MTNAP1: variants seen among roughly 807,000 people sequenced by gnomAD.
MTNAP1 encodes mitochondrial nucleoid-associated protein 1.
At chr17:73,245,262 T>C in the MTNAP1 span, 1 of 1,568,342 alleles carries the variant, frequency 6.4e-7, no homozygotes, top group Non-Finnish European at 8.6e-7. Context: ...CAATACATAC[T>C]TAACAGTTTA....
the MTNAP1 span, among the ~76,000 whole-genome samples, chr17:73,240,835 C>G: frequency 2.2e-4 from 33 of 151,188 alleles, no homozygotes; most frequent in African/African-American, 7.6e-4. Context: ...GAAGTTGTCT[C>G]TTTACACCGT....
chr17:73,235,936 C>T, the MTNAP1 span: 16 of 1,614,202 alleles, frequency 9.9e-6, no homozygotes, highest in South Asian at 1.8e-4. Flanking sequence ...TAAAAGAGAA[C>T]TTGCCAAAGA....
the MTNAP1 span, among the ~76,000 whole-genome samples, chr17:73,234,344 C>T: frequency 4.7e-5 from 7 of 150,180 alleles, no homozygotes; most frequent in South Asian, 2.1e-4. Context: ...TTTTTTACAT[C>T]GTATATGTTT....
the MTNAP1 span, chr17:73,245,077 CA>C: frequency 1.0e-5 from 13 of 1,250,528 alleles, no homozygotes; most frequent in African/African-American, 1.5e-5. Flanking sequence ...ACTTATAAAA[CA>C]AAAAGAGAAT....
chr17:73,242,492 CTG>C, the MTNAP1 span: 2 of 562,166 alleles, frequency 3.6e-6, no homozygotes, highest in East Asian at 3.1e-5. Flanking sequence ...TTCCATTTGT[CTG>C]TGTTCATTTT....
chr17:73,239,614 G>A, the MTNAP1 span, among the ~76,000 whole-genome samples: 29 of 150,970 alleles, frequency 1.9e-4, no homozygotes, highest in Admixed American at 1.9e-3. Context: ...CACCTCCCAG[G>A]TTCAAGCGAT....
At chr17:73,235,369 C>T in the MTNAP1 span, 2 of 977,516 alleles carry the variant, frequency 2.0e-6, no homozygotes, top group African/African-American at 3.3e-5. Flanking sequence ...CCGTAAGTAG[C>T]AAACATCTAG....
the MTNAP1 span, chr17:73,235,348 A>G: frequency 1.3e-6 from 1 of 746,162 alleles, no homozygotes; most frequent in Admixed American, 3.1e-5. Context: ...TGACTAGTTG[A>G]CTTGCTGTAA....
the MTNAP1 span, among the ~76,000 whole-genome samples, chr17:73,241,520 G>A: frequency 6.6e-6 from 1 of 152,288 alleles, no homozygotes; most frequent in South Asian, 2.1e-4. Flanking sequence ...AATAGGAAAT[G>A]TTTGCTGGCC....
the MTNAP1 span, chr17:73,235,958 C>T: frequency 6.2e-7 from 1 of 1,614,192 alleles, no homozygotes; most frequent in Non-Finnish European, 8.5e-7. Flanking sequence ...TTGCCTAAAT[C>T]AGGAGAAAGT....
At chr17:73,248,230 C>T in the MTNAP1 span, 9 of 446,882 alleles carry the variant, frequency 2.0e-5, no homozygotes, top group African/African-American at 1.4e-4. Flanking sequence ...AAGCTTCATC[C>T]AGAAAGACAA....
At chr17:73,242,416 C>T in the MTNAP1 span, 13 of 1,144,800 alleles carry the variant, frequency 1.1e-5, no homozygotes, top group South Asian at 4.5e-5. Flanking sequence ...AGTTTCTCTT[C>T]GGGCTGTTAA....
the MTNAP1 span, chr17:73,243,093 T>TTTTGTTTTTTTTTTG: frequency 9.3e-3 from 9,235 of 990,598 alleles, 235 homozygotes; most frequent in African/African-American, 0.084. Flanking sequence ...TTTTTTTTTT[T>TTTTGTTTTTTTTTTG]TTTTTTTTAC....
the MTNAP1 span, among the ~76,000 whole-genome samples, chr17:73,239,675 C>T: frequency 2.0e-5 from 3 of 151,478 alleles, no homozygotes; most frequent in South Asian, 2.1e-4. Flanking sequence ...CCTGCCACCA[C>T]GCCCAGCTAA....
At chr17:73,243,063 A>G in the MTNAP1 span, 8 of 1,185,232 alleles carry the variant, frequency 6.7e-6, no homozygotes, top group Admixed American at 1.2e-4. Context: ...GTGGACCTCC[A>G]AGGGATTCTC....
the MTNAP1 span, among the ~76,000 whole-genome samples, chr17:73,240,033 G>A: frequency 1.3e-5 from 2 of 152,194 alleles, no homozygotes; most frequent in African/African-American, 4.8e-5. Flanking sequence ...AAAGACCACA[G>A]ATAGAAGTCA....
At chr17:73,248,417 C>T in the MTNAP1 span, 5 of 1,268,202 alleles carry the variant, frequency 3.9e-6, no homozygotes, top group South Asian at 6.4e-5. Context: ...TAAAATCATG[C>T]TGCAGAAGGA....
At chr17:73,242,758 A>C in the MTNAP1 span, 30 of 639,234 alleles carry the variant, frequency 4.7e-5, no homozygotes, top group African/African-American at 5.5e-4. Context: ...GTTAGCCTTT[A>C]TGTGTTTAAA....
the MTNAP1 span, chr17:73,245,364 GTAT>G: frequency 3.7e-5 from 50 of 1,350,334 alleles, no homozygotes; most frequent in Non-Finnish European, 4.3e-5. Context: ...GGAAGTAAAC[GTAT>G]TATTAATATA....
Sources: gnomAD v4.1 joint callset for allele counts (sites outside exome capture counted in the v4.1 genomes callset) on GRCh38, gnomAD v4.1.1 for gene constraint, MANE v1.5 for transcripts, NCBI Gene and HGNC (gene_info 2026-07-23, HGNC 2026-07-21) for gene names.